The following PASD1 variants were observed in gnomAD, a reference collection of about 807,000 sequenced individuals.
PASD1 encodes PAS domain containing repressor 1, also known as circadian clock protein PASD1.
Under a neutral mutation model 58.8 loss-of-function variants are expected in PASD1, and 13 were observed. That is an observed-to-expected ratio of 0.22 (90% CI 0.14 to 0.35). PASD1 has a LOEUF of 0.35. Among genes scored for constraint, PASD1 ranks in the 10% least tolerant of loss-of-function variants. The pLI, the probability that PASD1 is intolerant of heterozygous loss-of-function variation, is 1.00. For missense variants in PASD1, 734 were observed against 568.3 expected (o/e 1.29, Z -2.96); for synonymous variants, 236 against 216.7 (o/e 1.09, Z -0.78).
At chrX:151,642,978 A>G (rs2014015793) in intron 8 of PASD1, among the ~76,000 whole-genome samples, 1 of 111,621 alleles carries the variant, frequency 9.0e-6, no homozygotes, top group Non-Finnish European at 1.9e-5. Context: ...ACTGGAGTCC[A>G]TGAGAGAAGG....
At chrX:151,656,957 C>T (rs1180206369) in intron 9 of PASD1, among the ~76,000 whole-genome samples, 6 of 111,676 alleles carry the variant, frequency 5.4e-5, no homozygotes, top group Middle Eastern at 4.6e-3. Flanking sequence ...GGAAAGCCTC[C>T]GGTTTTTGCC....
intron 8 of PASD1, among the ~76,000 whole-genome samples, chrX:151,643,299 G>A (rs1176946370): frequency 9.0e-6 from 1 of 111,524 alleles, no homozygotes; most frequent in East Asian, 2.8e-4. Flanking sequence ...AAGGAGCCAG[G>A]AGTTGGTCAA....
chrX:151,609,788 C>T (rs1483474726), intron 3 of PASD1, among the ~76,000 whole-genome samples: 3 of 96,939 alleles, frequency 3.1e-5, no homozygotes, highest in African/African-American at 1.2e-4. Flanking sequence ...CTGTTTGAGT[C>T]CCTGCTTTCA....
intron 15 of PASD1, among the ~76,000 whole-genome samples, chrX:151,674,565 G>A (rs2124322698): frequency 8.9e-6 from 1 of 112,642 alleles, no homozygotes; most frequent in East Asian, 2.8e-4. Flanking sequence ...GTGTAGGTAT[G>A]TTTCCTTGTA....
At chrX:151,573,824 G>A (rs5924646) in intron 1 of PASD1, among the ~76,000 whole-genome samples, 51,622 of 110,516 alleles carry the variant, frequency 0.47, 9,448 homozygotes, top group African/African-American at 0.62. Context: ...GGGTTGTATT[G>A]TAGAGAGCCT....
intron 1 of PASD1, among the ~76,000 whole-genome samples, chrX:151,588,320 CT>C (rs1185312598): frequency 1.2e-4 from 14 of 112,419 alleles, no homozygotes; most frequent in Non-Finnish European, 7.5e-5. Flanking sequence ...ATTTTCAATA[CT>C]TTGAGGTTTT....
At chrX:151,641,313 G>C (rs2013993735) in intron 8 of PASD1, among the ~76,000 whole-genome samples, 1 of 111,279 alleles carries the variant, frequency 9.0e-6, no homozygotes. Flanking sequence ...GTGATTTGAA[G>C]CAAGTCTTTA....
intron 1 of PASD1, among the ~76,000 whole-genome samples, chrX:151,578,771 A>G (rs905819416): frequency 2.7e-5 from 3 of 112,121 alleles, no homozygotes; most frequent in Admixed American, 9.5e-5. Flanking sequence ...GTGGGTTTTG[A>G]TAACTGAGTT....
At chrX:151,654,123 C>G (rs916377760) in intron 9 of PASD1, among the ~76,000 whole-genome samples, 2 of 103,145 alleles carry the variant, frequency 1.9e-5, no homozygotes, top group Non-Finnish European at 3.9e-5. Flanking sequence ...GCACACACTG[C>G]CAGACTCACC....
At chrX:151,572,763 A>T (rs1247629585) in intron 1 of PASD1, among the ~76,000 whole-genome samples, 2 of 109,214 alleles carry the variant, frequency 1.8e-5, no homozygotes, top group East Asian at 5.8e-4. Context: ...TTCATTTGAA[A>T]TATACCTTTA....
intron 3 of PASD1, among the ~76,000 whole-genome samples, chrX:151,606,698 C>T (rs1396350507): frequency 9.0e-6 from 1 of 110,876 alleles, no homozygotes; most frequent in Non-Finnish European, 1.9e-5. Flanking sequence ...CTCACTTACA[C>T]TCCAGCCCAT....
chrX:151,620,124 G>A (rs761164522), intron 4 of PASD1, among the ~76,000 whole-genome samples: 5 of 111,787 alleles, frequency 4.5e-5, no homozygotes, highest in Admixed American at 2.9e-4. Flanking sequence ...TATGTATGGC[G>A]TACATGTGAT....
chrX:151,631,743 G>A (rs1255680463), intron 8 of PASD1, among the ~76,000 whole-genome samples: 2 of 111,362 alleles, frequency 1.8e-5, no homozygotes, highest in Non-Finnish European at 3.8e-5. Context: ...CTTGTACAAA[G>A]GTGTGGGGAA....
chrX:151,566,143 A>T (rs2012838222), intron 1 of PASD1, among the ~76,000 whole-genome samples: 1 of 112,580 alleles, frequency 8.9e-6, no homozygotes, highest in Admixed American at 9.4e-5. Context: ...TTGAGCTAAG[A>T]TACAGGGCAA....
intron 11 of PASD1, among the ~76,000 whole-genome samples, chrX:151,668,057 T>C (rs1214511968): frequency 9.0e-6 from 1 of 111,242 alleles, no homozygotes; most frequent in African/African-American, 3.3e-5. Flanking sequence ...ATAGGAGTGG[T>C]GAGAGACGGC....
intron 1 of PASD1, among the ~76,000 whole-genome samples, chrX:151,565,305 C>G (rs1326026874): frequency 8.9e-6 from 1 of 112,164 alleles, no homozygotes; most frequent in Non-Finnish European, 1.9e-5. Context: ...GGACTCATGA[C>G]TTTGAAAGTA....
At chrX:151,626,348 C>T (rs1212915202) in intron 8 of PASD1, among the ~76,000 whole-genome samples, 2 of 111,706 alleles carry the variant, frequency 1.8e-5, no homozygotes, top group Admixed American at 9.6e-5. Flanking sequence ...CACTATTTCA[C>T]GTGAGAAAAG....
At chrX:151,588,612 C>A (rs1416385985) in intron 1 of PASD1, among the ~76,000 whole-genome samples, 1 of 111,387 alleles carries the variant, frequency 9.0e-6, no homozygotes, top group Non-Finnish European at 1.9e-5. Flanking sequence ...AAATAGTACT[C>A]ATTCTGACAA....
intron 1 of PASD1, among the ~76,000 whole-genome samples, chrX:151,567,945 G>C (rs192354022): frequency 9.0e-6 from 1 of 111,457 alleles, no homozygotes; most frequent in East Asian, 2.8e-4. Flanking sequence ...GGCTGGTCTT[G>C]AGCTCCTGAG....
Sources: allele counts gnomAD v4.1 joint callset (sites outside exome capture counted in the v4.1 genomes callset), GRCh38; gene constraint gnomAD v4.1.1; transcripts MANE v1.5; gene names NCBI Gene and HGNC (gene_info 2026-07-23, HGNC 2026-07-21).